Variants in DCC observed in about 807,000 individuals in gnomAD.
DCC encodes DCC netrin 1 receptor.
Under a neutral mutation model 172.5 loss-of-function variants are expected in DCC, and 58 were observed. That is an observed-to-expected ratio of 0.34 (90% CI 0.27 to 0.42). The LOEUF is 0.42. DCC is among the 10% of genes least tolerant of loss of function. The pLI is 1.00. For synonymous variants in DCC, 709 were observed against 644.5 expected, an observed-to-expected ratio of 1.10 and a Z score of -1.52; for missense variants, 1,740 against 1,791.0, an observed-to-expected ratio of 0.97 and a Z score of 0.51.
At chr18:52,932,729 C>T (rs1345228328) in intron 5 of DCC, among the ~76,000 whole-genome samples, 1 of 151,912 alleles carries the variant, frequency 6.6e-6, no homozygotes, top group African/African-American at 2.4e-5. Context: ...AGATGATAGA[C>T]TCAGAATATT....
chr18:52,903,905 G>A (rs2156283), intron 2 of DCC, among the ~76,000 whole-genome samples: 131,830 of 152,178 alleles, frequency 0.87, 57,421 homozygotes, highest in Admixed American at 0.92. Context: ...ACACAAGACT[G>A]TATAATGCAG....
At chr18:52,554,825 A>C (rs1164346392) in intron 1 of DCC, among the ~76,000 whole-genome samples, 1 of 152,092 alleles carries the variant, frequency 6.6e-6, no homozygotes, top group Non-Finnish European at 1.5e-5. Context: ...TGTGTATAAG[A>C]TCTGAAAAGG....
At chr18:52,681,592 C>T (rs1009181176) in intron 1 of DCC, among the ~76,000 whole-genome samples, 3 of 151,996 alleles carry the variant, frequency 2.0e-5, no homozygotes, top group Non-Finnish European at 4.4e-5. Flanking sequence ...CTGATTAGTT[C>T]CTTTTGTCAA....
At chr18:52,614,296 T>C (rs1202843245) in intron 1 of DCC, among the ~76,000 whole-genome samples, 2 of 152,220 alleles carry the variant, frequency 1.3e-5, no homozygotes, top group Non-Finnish European at 2.9e-5. Context: ...CTTATCAATG[T>C]GTGGCCTTCA....
At chr18:52,420,148 GA>G (rs1987198203) in intron 1 of DCC, among the ~76,000 whole-genome samples, 1 of 152,260 alleles carries the variant, frequency 6.6e-6, no homozygotes. Context: ...TGTGCATTTA[GA>G]AAAAAACAAG....
chr18:52,779,702 A>G (rs2037498611), intron 2 of DCC, among the ~76,000 whole-genome samples: 4 of 152,270 alleles, frequency 2.6e-5, no homozygotes, highest in Admixed American at 2.6e-4. Context: ...TGGTATTTCT[A>G]GTTCTAGATC....
intron 1 of DCC, among the ~76,000 whole-genome samples, chr18:52,556,510 C>T (rs936573585): frequency 2.6e-5 from 4 of 152,034 alleles, no homozygotes; most frequent in African/African-American, 9.7e-5. Flanking sequence ...GTTAGAACAT[C>T]CTGCAGCAAG....
intron 1 of DCC, among the ~76,000 whole-genome samples, chr18:52,710,468 G>A (rs894856720): frequency 1.3e-5 from 2 of 152,186 alleles, no homozygotes; most frequent in Non-Finnish European, 2.9e-5. Context: ...ACTTGTATGT[G>A]TGCTTGCAAG....
chr18:52,549,663 CT>C (rs1422936157), intron 1 of DCC, among the ~76,000 whole-genome samples: 1 of 152,074 alleles, frequency 6.6e-6, no homozygotes, highest in Non-Finnish European at 1.5e-5. Context: ...TTAATTTCAT[CT>C]TTTTGTAGTA....
At chr18:53,086,610 CTTCT>C (rs1477309043) in intron 7 of DCC, among the ~76,000 whole-genome samples, 4 of 37,450 alleles carry the variant, frequency 1.1e-4, no homozygotes, top group South Asian at 9.4e-4. Context: ...TCTTCTTCTT[CTTCT>C]TTCTTCTTCT....
intron 1 of DCC, among the ~76,000 whole-genome samples, chr18:52,402,676 C>T (rs1986486636): frequency 6.6e-6 from 1 of 152,008 alleles, no homozygotes; most frequent in African/African-American, 2.4e-5. Flanking sequence ...AGACTATTTT[C>T]CTTATCTCCT....
chr18:53,394,031 G>A (rs1195159463), intron 17 of DCC, among the ~76,000 whole-genome samples: 1 of 151,624 alleles, frequency 6.6e-6, no homozygotes, highest in Non-Finnish European at 1.5e-5. Flanking sequence ...TAGACTCTTT[G>A]AGTTTTCACT....
At chr18:52,779,423 TGTTA>T (rs1162520446) in intron 2 of DCC, among the ~76,000 whole-genome samples, 1 of 151,960 alleles carries the variant, frequency 6.6e-6, no homozygotes, top group African/African-American at 2.4e-5. Flanking sequence ...CCTGTTCCTG[TGTTA>T]GTTTGCTGAG....
chr18:53,270,124 T>C (rs915236025), intron 12 of DCC, among the ~76,000 whole-genome samples: 1 of 152,134 alleles, frequency 6.6e-6, no homozygotes, highest in South Asian at 2.1e-4. Flanking sequence ...CCTAGCAAGG[T>C]AGAAAAGCAA....
intron 5 of DCC, among the ~76,000 whole-genome samples, chr18:52,997,311 A>T (rs1045049413): frequency 6.6e-6 from 1 of 152,108 alleles, no homozygotes; most frequent in Non-Finnish European, 1.5e-5. Context: ...ACAGATGTAG[A>T]TAGATTTTTG....
chr18:52,963,104 TAATAA>T (rs1293598106), intron 5 of DCC, among the ~76,000 whole-genome samples: 5 of 151,592 alleles, frequency 3.3e-5, no homozygotes, highest in African/African-American at 4.8e-5. Context: ...ATTATAATTA[TAATAA>T]AATTAAAAAA....
At chr18:53,224,512 G>A (rs1407464263) in intron 12 of DCC, among the ~76,000 whole-genome samples, 1 of 152,144 alleles carries the variant, frequency 6.6e-6, no homozygotes, top group East Asian at 1.9e-4. Context: ...ACTGACTACT[G>A]TGGGAAAATT....
At chr18:52,422,703 G>A (rs1987290223) in intron 1 of DCC, among the ~76,000 whole-genome samples, 1 of 152,170 alleles carries the variant, frequency 6.6e-6, no homozygotes, top group Admixed American at 6.6e-5. Flanking sequence ...TGTGAAGGTG[G>A]AAGAGAATAG....
At chr18:53,119,157 G>T (rs769165061) in intron 7 of DCC, among the ~76,000 whole-genome samples, 3 of 151,778 alleles carry the variant, frequency 2.0e-5, no homozygotes, top group Non-Finnish European at 4.4e-5. Flanking sequence ...AGAGACCAAT[G>T]CATGTCCACC....
Sources: gnomAD v4.1 joint callset for allele counts (sites outside exome capture counted in the v4.1 genomes callset) on GRCh38, gnomAD v4.1.1 for gene constraint, MANE v1.5 for transcripts, NCBI Gene and HGNC (gene_info 2026-07-23, HGNC 2026-07-21) for gene names.